Variants in SOX5 observed in about 807,000 individuals in gnomAD.
The protein encoded by SOX5 is transcription factor SOX-5.
In SOX5, 9 loss-of-function variants were observed where a neutral mutation model predicts 92.0. The observed-to-expected ratio is 0.10, with a 90% CI of 0.06 to 0.17. The LOEUF (loss-of-function observed/expected upper bound fraction) is 0.17. SOX5 is among the 10% of genes least tolerant of loss of function. SOX5 has a pLI of 1.00. For missense variants in SOX5, 642 were observed against 944.5 expected, an observed-to-expected ratio of 0.68 and a Z score of 4.20; for synonymous variants, 344 against 336.3, an observed-to-expected ratio of 1.02 and a Z score of -0.25.
intron 10 of SOX5, among the ~76,000 whole-genome samples, chr12:23,563,988 T>C (rs1239794076): frequency 1.3e-5 from 2 of 152,222 alleles, no homozygotes; most frequent in Non-Finnish European, 2.9e-5. Flanking sequence ...TTGCTATTGA[T>C]GCAAACTTGT....
chr12:24,517,265 A>G (rs1419197698), intron 1 of SOX5, among the ~76,000 whole-genome samples: 3 of 152,212 alleles, frequency 2.0e-5, no homozygotes, highest in African/African-American at 4.8e-5. Flanking sequence ...AATAGCTTGT[A>G]AAAAGGAAAT....
At chr12:24,079,454 A>C (rs1019300844) in intron 4 of SOX5, among the ~76,000 whole-genome samples, 11 of 152,052 alleles carry the variant, frequency 7.2e-5, no homozygotes, top group African/African-American at 2.7e-4. Flanking sequence ...CATGAAAATA[A>C]ATAGTACATT....
intron 3 of SOX5, among the ~76,000 whole-genome samples, chr12:24,251,950 T>TAA (rs71059994): frequency 4.6e-3 from 689 of 148,442 alleles, no homozygotes; most frequent in Middle Eastern, 0.014. Context: ...ACCCAGTTAT[T>TAA]AAAAAAAAAA....
intron 4 of SOX5, among the ~76,000 whole-genome samples, chr12:24,024,154 A>T (rs934583639): frequency 6.6e-6 from 1 of 152,100 alleles, no homozygotes; most frequent in East Asian, 1.9e-4. Flanking sequence ...ATTAAAATAC[A>T]AAGAAGTAAA....
rs1268348104 is a variant in SOX5 at position 23,979,698 on chromosome 12, GTTTTTTTTGTTTTT to G, written c.-1-83688_-1-83675del. 7.7e-4 allele frequency among the ~76,000 whole-genome samples: 50 copies of G among 64,706 alleles called. 2 individuals are homozygous for G. Among genetic ancestry groups the G allele is most frequent in the African/African-American group, 1.8e-3 (31 of 17,552 alleles). The allele number at this position is 64,706 out of a possible 152,430, so 42.4% of individuals were successfully genotyped here. A position where few individuals can be genotyped will look rare whatever the true frequency, so the allele number is the denominator to read the frequency against. ...TTCTTCCTTCCATATATATATATAT[GTTTTTTTTGTTTTT>G]TTTTTTTTTTTTTTTTTTTTTTGGA... On this transcript the variant is annotated intron_variant, in intron 4 of 4. Transcript: ENST00000446891.
intron 4 of SOX5, among the ~76,000 whole-genome samples, chr12:23,997,709 A>G (rs948608814): frequency 2.3e-4 from 35 of 152,134 alleles, no homozygotes; most frequent in Non-Finnish European, 3.1e-4. Context: ...AAACAATAGA[A>G]CTCTTCTTGG....
chr12:23,882,467 T>G (rs748621436), intron 2 of SOX5, among the ~76,000 whole-genome samples: 1 of 152,116 alleles, frequency 6.6e-6, no homozygotes, highest in Admixed American at 6.5e-5. Flanking sequence ...GCAGGAAAAT[T>G]AAGCAATTTT....
chr12:24,431,508 A>G (rs1938317223), intron 1 of SOX5, among the ~76,000 whole-genome samples: 1 of 152,218 alleles, frequency 6.6e-6, no homozygotes. Context: ...AAACATATCT[A>G]TCACCTCCAA....
intron 1 of SOX5, among the ~76,000 whole-genome samples, chr12:24,402,689 G>A (rs1962025794): frequency 2.6e-5 from 4 of 152,142 alleles, no homozygotes; most frequent in Admixed American, 2.6e-4. Context: ...TAACAGAGGT[G>A]TAGCAGTATA....
intron 9 of SOX5, chr12:23,582,214 T>G (rs1473162062): frequency 2.0e-6 from 2 of 985,116 alleles, no homozygotes; most frequent in Admixed American, 6.2e-5. Context: ...TCTACCTCTA[T>G]GGACTGTGGG....
chr12:24,059,475 G>A (rs1305801256), intron 4 of SOX5, among the ~76,000 whole-genome samples: 1 of 152,076 alleles, frequency 6.6e-6, no homozygotes, highest in African/African-American at 2.4e-5. Context: ...AATTTGCAAA[G>A]AAAATTCTAT....
At chr12:23,556,467 T>G (rs1481220311) in intron 11 of SOX5, among the ~76,000 whole-genome samples, 1 of 152,216 alleles carries the variant, frequency 6.6e-6, no homozygotes, top group African/African-American at 2.4e-5. Context: ...TTTTAATTTG[T>G]TCTTAGGCAA....
intron 1 of SOX5, among the ~76,000 whole-genome samples, chr12:24,543,397 C>G (rs897053679): frequency 1.3e-5 from 2 of 152,178 alleles, no homozygotes; most frequent in African/African-American, 4.8e-5. Context: ...CTATGAAGAT[C>G]AATATGTGGC....
intron 4 of SOX5, among the ~76,000 whole-genome samples, chr12:24,097,276 CTTA>C (rs1478798866): frequency 6.6e-6 from 1 of 152,092 alleles, no homozygotes; most frequent in East Asian, 1.9e-4. Context: ...TAACAGTAGA[CTTA>C]TTATATACAA....
chr12:24,345,362 C>T (rs1953104550), intron 2 of SOX5, among the ~76,000 whole-genome samples: 2 of 152,140 alleles, frequency 1.3e-5, no homozygotes, highest in East Asian at 3.8e-4. Flanking sequence ...CACCAACTTC[C>T]AAGCCAGCTC....
chr12:24,065,784 T>A (rs1940636380), intron 4 of SOX5, among the ~76,000 whole-genome samples: 1 of 152,242 alleles, frequency 6.6e-6, no homozygotes, highest in African/African-American at 2.4e-5. Context: ...TTCTTCACTT[T>A]GTGCCCAGGC....
intron 9 of SOX5, among the ~76,000 whole-genome samples, chr12:23,591,992 A>T (rs1156665863): frequency 6.6e-6 from 1 of 152,174 alleles, no homozygotes; most frequent in East Asian, 1.9e-4. Context: ...TTGTAAAGCA[A>T]ATCATAACAG....
chr12:24,368,371 T>TA (rs1455169736), intron 2 of SOX5: 4 of 152,224 alleles, frequency 2.6e-5, no homozygotes, highest in Non-Finnish European at 5.9e-5. Context: ...ACCTGTTTTT[T>TA]ATTGATTTGG....
chr12:23,637,317 A>T (rs367604714), intron 8 of SOX5, among the ~76,000 whole-genome samples: 1 of 152,236 alleles, frequency 6.6e-6, no homozygotes, highest in East Asian at 1.9e-4. Context: ...TAAAACATAC[A>T]CGAACAGATT....
Sources: allele counts gnomAD v4.1 joint callset (sites outside exome capture counted in the v4.1 genomes callset), GRCh38; gene constraint gnomAD v4.1.1; transcripts MANE v1.5; gene names NCBI Gene and HGNC (gene_info 2026-07-23, HGNC 2026-07-21).